The following IQSEC1 variants were observed in gnomAD, a reference collection of about 807,000 sequenced individuals.
The protein encoded by IQSEC1 is IQ motif and SEC7 domain-containing protein 1.
A neutral mutation model predicts 91.0 loss-of-function variants in IQSEC1; 31 were observed. That is an observed-to-expected ratio of 0.34 (90% CI 0.26 to 0.46). The LOEUF is 0.46. Among genes scored for constraint, IQSEC1 ranks in the 20% least tolerant of loss-of-function variants. The pLI is 1.00. For synonymous variants in IQSEC1, 699 were observed against 662.6 expected (o/e 1.05, Z -0.84); for missense variants, 1,388 against 1,575.6 (o/e 0.88, Z 2.02).
In IQSEC1 at chr3:12,967,293, G is replaced by C. The variant is rs1159525479; in HGVS notation, c.24-25428C>G. The C allele has an allele frequency of 3.6e-6, 4 of 1,118,778 alleles. No homozygotes were observed. Among genetic ancestry groups the C allele is most frequent in the South Asian group, 1.6e-5 (1 of 64,208 alleles). The allele number at this position is 1,118,778 out of a possible 1,614,324, so 69.3% of individuals were successfully genotyped here. ...CGCACGCCGGGCGCCCGGTCCCGAC[G>C]GTCACCCGCACTCCCGCACAGGCAT... On this transcript the variant is annotated intron_variant, in intron 1 of 13. Transcript: ENST00000613206. The surrounding 1 kb of genome is among the most constrained non-coding windows in gnomAD (Gnocchi z 5.9).
rs1695823449 is a variant in IQSEC1, at chr3:13,282,928, T to A, written c.55A>T (p.Thr19Ser). 1.4e-5 allele frequency among the ~76,000 whole-genome samples: 2 copies of A among 146,786 alleles called. No homozygotes were observed. Among genetic ancestry groups the A allele is most frequent in the East Asian group, 4.0e-4 (2 of 5,028 alleles). Residue 19 changes from threonine (T) to serine (S), a missense_variant, in exon 1 of 16, where the codon ACC becomes TCC. By Grantham distance (58) the Thr-to-Ser change is moderately conservative. Transcript: ENST00000648114. The surrounding 1 kb of genome is among the most constrained non-coding windows in gnomAD (Gnocchi z 6.4). ...TCCTGCTGCGCGGCGACGATCCGGG[T>A]CAGCTCCTGCAGGTACTCGGCCGCC...
intron 1 of IQSEC1, among the ~76,000 whole-genome samples, chr3:13,058,144 G>T (rs992681239): frequency 6.6e-6 from 1 of 152,286 alleles, no homozygotes; most frequent in African/African-American, 2.4e-5. Context: ...GTGGTGGCAG[G>T]TGCCTGTAAT....
rs1463881997 is a variant in IQSEC1, at chr3:12,992,867, C to T, written c.24-51002G>A. Among the ~76,000 whole-genome samples the T allele has an allele frequency of 6.6e-6, 1 of 152,170 alleles. No homozygotes were observed. Among genetic ancestry groups the T allele is most frequent in the Non-Finnish European group, 1.5e-5 (1 of 68,034 alleles). On this transcript the variant is annotated intron_variant, in intron 1 of 13. Transcript: ENST00000613206. This position sits in a 1 kb window ranked among gnomAD's most constrained non-coding sequence, Gnocchi z 4.1. ...TAAAGTGACAACTGCCTGGCAGAAACATGGGAGGGGAAGTTCCCCAGGACT... is the reference window on the plus strand; with the variant it reads ...TAAAGTGACAACTGCCTGGCAGAAATATGGGAGGGGAAGTTCCCCAGGACT...
In IQSEC1 at chr3:12,948,816, G is replaced by A. The variant is rs1036978415; in HGVS notation, c.24-6951C>T. 5.9e-5 allele frequency among the ~76,000 whole-genome samples: 9 copies of A among 152,186 alleles called. 1 individual carries two copies. The highest frequency in any genetic ancestry group is 7.3e-5 in the Non-Finnish European group (5 of 68,032). On this transcript the variant is annotated intron_variant, in intron 1 of 13. Transcript: ENST00000613206. ...AATACCCTGCAGGCACGGAAAGGTG[G>A]CACCCATCCCCAAGGGCATATGGGC...
intron 1 of IQSEC1, among the ~76,000 whole-genome samples, chr3:13,176,198 C>A (rs546740825): frequency 3.3e-5 from 5 of 152,288 alleles, no homozygotes; most frequent in African/African-American, 1.2e-4. Context: ...AGAAGCAGAT[C>A]CCCCGACTCC....
At chr3:13,129,833 T>TA (rs1706581203) in intron 2 of IQSEC1, among the ~76,000 whole-genome samples, 2 of 151,796 alleles carry the variant, frequency 1.3e-5, no homozygotes, top group East Asian at 3.9e-4. Context: ...AGTTTTTTTG[T>TA]GTTTTTAGTA....
intron 1 of IQSEC1, among the ~76,000 whole-genome samples, chr3:13,167,086 CGT>C (rs757955905): frequency 2.0e-5 from 3 of 152,024 alleles, no homozygotes; most frequent in African/African-American, 7.3e-5. Context: ...CCTGTATGTG[CGT>C]GTGTGTGTGC....
intron 1 of IQSEC1, among the ~76,000 whole-genome samples, chr3:13,275,992 T>C (rs958115866): frequency 2.0e-5 from 3 of 152,206 alleles, no homozygotes; most frequent in African/African-American, 7.2e-5. Context: ...GGGGACAGTG[T>C]TCTGCCCCAT....
At chr3:13,060,379 G>T (rs1298283387) in intron 1 of IQSEC1, among the ~76,000 whole-genome samples, 2 of 150,070 alleles carry the variant, frequency 1.3e-5, no homozygotes, top group Non-Finnish European at 3.0e-5. Flanking sequence ...CAGTGAACAG[G>T]CTCCTGCGGT....
rs1272961500 is a variant in IQSEC1, at chr3:12,967,480, G to A, written c.24-25615C>T. Reference sequence around the variant, plus strand: ...GGCCGCAGTGGGAGCGGGCCGGGCCGGGAGCCGGGACCCAGGCCCAGCAGA... The same window carrying A: ...GGCCGCAGTGGGAGCGGGCCGGGCCAGGAGCCGGGACCCAGGCCCAGCAGA... On this transcript the variant is annotated intron_variant, in intron 1 of 13. Transcript: ENST00000613206. This position sits in a 1 kb window ranked among gnomAD's most constrained non-coding sequence, Gnocchi z 5.9. 4 of 1,499,866 alleles carry A rather than the reference G, an allele frequency of 2.7e-6. No individual in the cohort carries two copies. The East Asian group carries it at 8.2e-5, about 31-fold the overall frequency. The allele number at this position is 1,499,866 out of a possible 1,614,324, so 92.9% of individuals were successfully genotyped here.
chr3:13,225,673 T>A (rs1407275660), intron 1 of IQSEC1, among the ~76,000 whole-genome samples: 2 of 152,138 alleles, frequency 1.3e-5, no homozygotes, highest in Admixed American at 1.3e-4. Context: ...AAGTGAAGAT[T>A]CAGAAACACA....
rs1424146329 is a variant in IQSEC1 at position 12,897,876 on chromosome 3, C to A, written c.*3107G>T. Reference sequence around the variant, plus strand: ...TGAAGACATTTTTAAGCAAGATGTGCACAGCATATTAGGATGAACTTTATT... The same window carrying A: ...TGAAGACATTTTTAAGCAAGATGTGAACAGCATATTAGGATGAACTTTATT... On this transcript the variant is annotated 3_prime_UTR_variant, in exon 14 of 14. Transcript: ENST00000613206. 1 of 152,204 alleles carries A rather than the reference C, an allele frequency of 6.6e-6. No homozygotes were observed. The allele number at this position is 152,204 out of a possible 1,614,324, so 9.4% of individuals were successfully genotyped here. A position where few individuals can be genotyped will look rare whatever the true frequency, so the allele number is the denominator to read the frequency against.
intron 1 of IQSEC1, among the ~76,000 whole-genome samples, chr3:13,178,482 T>C (rs540880853): frequency 2.6e-5 from 4 of 152,360 alleles, no homozygotes; most frequent in Middle Eastern, 6.8e-3. Context: ...AAAGTTATTT[T>C]GCTCCTAGCT....
In IQSEC1 at chr3:12,900,136, T is replaced by C. The variant is rs1694084699; in HGVS notation, c.*847A>G. On this transcript the variant is annotated 3_prime_UTR_variant, in exon 14 of 14. Transcript: ENST00000613206. ...ACCTGAAATAACAGCATTATAATAC[T>C]ATTTATGATAGTATTCTGTTAATAA... is the stretch of plus-strand genomic sequence containing the variant. The C allele has an allele frequency of 2.1e-6, 2 of 973,292 alleles. No individual in the cohort carries two copies. Among genetic ancestry groups the C allele is most frequent in the Non-Finnish European group, 2.4e-6 (2 of 819,046 alleles). The allele number at this position is 973,292 out of a possible 1,614,324, so 60.3% of individuals were successfully genotyped here.
intron 2 of IQSEC1, among the ~76,000 whole-genome samples, chr3:13,125,429 G>C (rs1292549373): frequency 2.0e-5 from 3 of 152,212 alleles, no homozygotes; most frequent in Non-Finnish European, 4.4e-5. Flanking sequence ...CATCTAATGA[G>C]TAGGCATTCC....
intron 1 of IQSEC1, among the ~76,000 whole-genome samples, chr3:13,268,878 G>A (rs992813170): frequency 1.1e-4 from 17 of 152,176 alleles, no homozygotes; most frequent in African/African-American, 3.4e-4. Context: ...AAGCCCCCAG[G>A]CCCCCAGTGG....
Position 12,903,660 on chromosome 3 carries a change from C to T in IQSEC1, c.2756-838G>A, listed in dbSNP as rs370402077. On this transcript the variant is annotated intron_variant, in intron 12 of 13. Transcript: ENST00000613206. ...GTAGGGCCCAGGCCCGGCCTGGCCC[C>T]GCCCAGCCTCCACAGTCCCTCCTGA... Among the ~76,000 whole-genome samples the T allele has an allele frequency of 6.6e-5, 10 of 152,308 alleles. No homozygotes were observed. In the East Asian group the frequency reaches 1.2e-3, roughly 18 times the overall value.
chr3:13,134,961 AC>A (rs1032982376), intron 2 of IQSEC1, among the ~76,000 whole-genome samples: 9 of 152,044 alleles, frequency 5.9e-5, no homozygotes, highest in African/African-American at 2.2e-4. Flanking sequence ...AAGGGGGATC[AC>A]CCCATGAGGA....
intron 3 of IQSEC1, among the ~76,000 whole-genome samples, chr3:12,930,590 G>A (rs1697578760): frequency 1.3e-5 from 2 of 152,318 alleles, no homozygotes; most frequent in East Asian, 3.9e-4. Context: ...CTACAGGCCT[G>A]GGGTTCTCTG....
Sources: allele counts gnomAD v4.1 joint callset (sites outside exome capture counted in the v4.1 genomes callset), GRCh38; gene constraint gnomAD v4.1.1; non-coding constraint Gnocchi (gnomAD v3.1); transcripts MANE v1.5; gene names NCBI Gene and HGNC (gene_info 2026-07-23, HGNC 2026-07-21).